Variants in ZC3HC1 observed in about 807,000 individuals in gnomAD.
ZC3HC1 encodes zinc finger C3HC-type protein 1.
A neutral mutation model predicts 61.9 loss-of-function variants in ZC3HC1; 38 were observed. The observed-to-expected ratio is 0.61, with a 90% CI of 0.47 to 0.81. The LOEUF (loss-of-function observed/expected upper bound fraction) is 0.81, where lower values mean the gene tolerates loss of function less well. ZC3HC1 is among the 30% of genes least tolerant of loss of function. The probability of loss-of-function intolerance (pLI) is 0.00; values close to 1 mark genes in which losing one functional copy is unlikely to be tolerated. For synonymous variants in ZC3HC1, 213 were observed against 229.9 expected (o/e 0.93, Z 0.67); for missense variants, 554 against 622.7 (o/e 0.89, Z 1.17).
At position 130,042,802 on chromosome 7, in the gene ZC3HC1, C is replaced by G. The variant is rs149083401; in HGVS notation, c.259-1701G>C. Among the ~76,000 whole-genome samples the G allele has an allele frequency of 8.1e-3, 1,232 of 152,274 alleles. 22 individuals carry two copies. The highest frequency in any genetic ancestry group is 0.028 in the African/African-American group (1,162 of 41,576). ...GGTTCAACCGATTCTCCTGCCTCAG[C>G]CTCCCGAGTAGCTGGGATTATAGGC... On this transcript the variant is annotated intron_variant, in intron 2 of 9. Transcript: ENST00000358303.
intron 9 of ZC3HC1, 49 bp from the exon 10 acceptor site, chr7:130,018,781 C>A: frequency 6.7e-7 from 1 of 1,500,798 alleles, no homozygotes; most frequent in Non-Finnish European, 9.3e-7. Flanking sequence ...TTTATAGAGA[C>A]AAAGGATAGA....
At chr7:130,030,185 C>T (rs965778850) in intron 4 of ZC3HC1, among the ~76,000 whole-genome samples, 1 of 139,230 alleles carries the variant, frequency 7.2e-6, no homozygotes, top group Non-Finnish European at 1.5e-5. Flanking sequence ...AGAAGCTACA[C>T]TGAATCAGCC....
chr7:130,040,497 CAAAAAAAA>C (rs35982469), intron 3 of ZC3HC1, among the ~76,000 whole-genome samples: 1 of 44,178 alleles, frequency 2.3e-5, no homozygotes, highest in African/African-American at 9.1e-5. Context: ...GACTCCGTCT[CAAAAAAAA>C]AAAAAAAAAA....
intron 4 of ZC3HC1, chr7:130,039,150 G>C (rs1794545079): frequency 3.8e-6 from 1 of 266,394 alleles, no homozygotes; most frequent in Non-Finnish European, 7.1e-6. Flanking sequence ...TTCGAGACCA[G>C]ATTGACCAAC....
chr7:130,026,923 T>C (rs1453282913), intron 5 of ZC3HC1: 1 of 148,672 alleles, frequency 6.7e-6, no homozygotes, highest in Non-Finnish European at 1.5e-5. Context: ...TGAGCTGAGA[T>C]TGCACCACTG....
At position 130,032,016 on chromosome 7, in the gene ZC3HC1, C is replaced by G. The variant is rs558176734; in HGVS notation, c.494-2987G>C. ...CGAGGTGGGCGGATCACGAGGTCAGCAGTTCAAGACCAGCCTGGCCAACAT... is the reference window on the plus strand; with the variant it reads ...CGAGGTGGGCGGATCACGAGGTCAGGAGTTCAAGACCAGCCTGGCCAACAT... On this transcript the variant is annotated intron_variant, in intron 4 of 9. Transcript: ENST00000358303. 5.9e-4 allele frequency among the ~76,000 whole-genome samples: 90 copies of G among 152,194 alleles called. 1 individual carries two copies. The highest frequency in any genetic ancestry group is 1.6e-4 in the Non-Finnish European group (11 of 68,002).
chr7:130,035,389 C>CA (rs1418163522), intron 4 of ZC3HC1, among the ~76,000 whole-genome samples: 4,435 of 58,658 alleles, frequency 0.076, 231 homozygotes, highest in African/African-American at 0.19. Context: ...GAGACTGTCT[C>CA]AAAAAAAAAA....
In ZC3HC1 at chr7:130,049,136, G is replaced by A. The variant is rs951385121; in HGVS notation, c.155C>T (p.Thr52Met). 8.8e-6 allele frequency: 14 copies of A among 1,594,900 alleles called. No homozygotes were observed. Among genetic ancestry groups the A allele is most frequent in the Non-Finnish European group, 1.2e-5 (14 of 1,171,656 alleles). The part of the protein sequence containing the change: ...PEEGGVDAKD[T>M]SATSQSVNGS... ...ATTAACTGACTGGGATGTGGCAGACGTGTCCTTCCTAATATAAAGTGGCAA... is the reference window on the plus strand; with the variant it reads ...ATTAACTGACTGGGATGTGGCAGACATGTCCTTCCTAATATAAAGTGGCAA... Residue 52 changes from threonine (T) to methionine (M), a missense_variant, in exon 2 of 10, where the codon ACG (threonine) becomes ATG (methionine). Thr to Met is a moderately conservative substitution (Grantham distance 81). Transcript: ENST00000358303.
At chr7:130,048,332 T>C (rs1214940505) in intron 2 of ZC3HC1, among the ~76,000 whole-genome samples, 2 of 151,782 alleles carry the variant, frequency 1.3e-5, no homozygotes, top group African/African-American at 4.8e-5. Context: ...TTTTGTTTTG[T>C]TTTATTTTAT....
chr7:130,039,244 T>C, intron 4 of ZC3HC1: 1 of 531,482 alleles, frequency 1.9e-6, no homozygotes, highest in South Asian at 2.3e-5. Context: ...CTCTGGAGGC[T>C]GAGGCAGGAG....
At chr7:130,019,820 T>G (rs1413698425) in intron 9 of ZC3HC1, among the ~76,000 whole-genome samples, 1 of 142,466 alleles carries the variant, frequency 7.0e-6, no homozygotes, top group Non-Finnish European at 1.5e-5. Context: ...TTTTTTTTTT[T>G]TTTTTTTTTT....
At chr7:130,025,870 CAAAAAAA>C (rs71175064) in intron 6 of ZC3HC1, among the ~76,000 whole-genome samples, 2 of 58,580 alleles carry the variant, frequency 3.4e-5, no homozygotes, top group Non-Finnish European at 5.7e-5. Flanking sequence ...GACTCCGTCT[CAAAAAAA>C]AAAAAAAAAA....
chr7:130,042,566 C>A (rs369056067), intron 2 of ZC3HC1, among the ~76,000 whole-genome samples: 1 of 152,120 alleles, frequency 6.6e-6, no homozygotes, highest in African/African-American at 2.4e-5. Context: ...TTGCTAGTAT[C>A]AATGGGGATG....
In ZC3HC1 at chr7:130,050,595, G is replaced by A; in HGVS notation, c.146+626C>T. 3 of 1,044,054 alleles carry A rather than the reference G, an allele frequency of 2.9e-6. No homozygotes were observed. In the South Asian group the frequency reaches 5.2e-5, roughly 18 times the overall value. The allele number at this position is 1,044,054 out of a possible 1,614,324, so 64.7% of individuals were successfully genotyped here. A position where few individuals can be genotyped will look rare whatever the true frequency, so the allele number is the denominator to read the frequency against. ...GCATTTTCTTCAATTATGAATGAAG[G>A]TAAAAACACCATAGTAGTATTAGCA... On this transcript the variant is annotated intron_variant, in intron 1 of 9. Transcript: ENST00000358303.
intron 5 of ZC3HC1, 43 bp downstream of exon 5, chr7:130,028,859 G>A (rs761074029): frequency 6.3e-7 from 1 of 1,594,566 alleles, no homozygotes; most frequent in Non-Finnish European, 8.5e-7. Flanking sequence ...ATAAATGCTG[G>A]CAACAACTGG....
intron 5 of ZC3HC1, among the ~76,000 whole-genome samples, chr7:130,028,342 G>C (rs1435772745): frequency 1.3e-5 from 2 of 151,972 alleles, no homozygotes; most frequent in Non-Finnish European, 2.9e-5. Flanking sequence ...AGGAGTTTGA[G>C]AACGGCCTGA....
intron 4 of ZC3HC1, among the ~76,000 whole-genome samples, chr7:130,034,467 A>C (rs1382878214): frequency 7.9e-6 from 1 of 126,390 alleles, no homozygotes; most frequent in Non-Finnish European, 1.6e-5. Context: ...CCTGGGCGAC[A>C]GAGCGAGACT....
chr7:130,023,806 CTT>C lies in ZC3HC1; in HGVS notation c.1021-85_1021-84del, dbSNP rs544479881. 1.6e-4 allele frequency: 160 copies of C among 982,946 alleles called. No individual in the cohort carries two copies. Among genetic ancestry groups the C allele is most frequent in the East Asian group, 3.0e-4 (9 of 29,706 alleles). The allele number at this position is 982,946 out of a possible 1,614,324, so 60.9% of individuals were successfully genotyped here. ...AATACTTCTTTCTTTAATCTTTTTT[CTT>C]TTTTTTTTTGAGACAGAGTCTCGCT... On this transcript the variant is annotated intron_variant, in intron 7 of 9. Transcript: ENST00000358303. The surrounding 1 kb of genome is among the most constrained non-coding windows in gnomAD (Gnocchi z 4.2).
chr7:130,051,155 G>T, intron 1 of ZC3HC1, 66 bp downstream of exon 1: 1 of 1,524,088 alleles, frequency 6.6e-7, no homozygotes, highest in South Asian at 1.3e-5. Flanking sequence ...CCCCCAACCC[G>T]CCACCCCTTC....
Sources: allele counts gnomAD v4.1 joint callset (sites outside exome capture counted in the v4.1 genomes callset), GRCh38; gene constraint gnomAD v4.1.1; non-coding constraint Gnocchi (gnomAD v3.1); transcripts MANE v1.5; gene names NCBI Gene and HGNC (gene_info 2026-07-23, HGNC 2026-07-21).